SCAPER: variants seen among roughly 807,000 people sequenced by gnomAD.
SCAPER encodes S phase cyclin A-associated protein in the endoplasmic reticulum.
Under a neutral mutation model 182.2 loss-of-function variants are expected in SCAPER, and 98 were observed. The observed-to-expected ratio is 0.54, with a 90% CI of 0.46 to 0.64. SCAPER has a LOEUF of 0.64. Ranked by LOEUF, SCAPER falls within the 30% of genes least tolerant of loss-of-function variation. SCAPER has a pLI of 0.00. For synonymous variants in SCAPER, 605 were observed against 564.6 expected (o/e 1.07, Z -1.01); for missense variants, 1,432 against 1,690.0 (o/e 0.85, Z 2.68).
At chr15:76,477,019 G>A (rs1008705284) in intron 24 of SCAPER, among the ~76,000 whole-genome samples, 3 of 152,098 alleles carry the variant, frequency 2.0e-5, no homozygotes, top group Non-Finnish European at 4.4e-5. Flanking sequence ...TAATTGACAG[G>A]CTACTTGCGT....
chr15:76,519,889 A>C (rs919901600), intron 23 of SCAPER, among the ~76,000 whole-genome samples: 4 of 152,172 alleles, frequency 2.6e-5, no homozygotes, highest in Admixed American at 6.5e-5. Context: ...TCTAGGCTTC[A>C]CATTTCATTT....
At position 76,376,270 on chromosome 15, in the gene SCAPER, G is replaced by A. The variant is rs774654951; in HGVS notation, c.3747C>T (p.His1249=). The A allele has an allele frequency of 1.5e-5, 25 of 1,613,896 alleles. No homozygotes were observed. The highest frequency in any genetic ancestry group is 1.9e-5 in the Non-Finnish European group (22 of 1,179,824). ...GAEGLSLAFR[H]MASSLLGHCS... is the part of the protein sequence containing the mutation. ...AGTGGCCCAGCAGGGAGCTGGCCAT[G>A]TGCCGGAATGCAAGGGACAAGCCCT... Residue 1249 remains histidine (H), a synonymous_variant, in exon 29 of 32, where the codon CAC becomes CAT. Transcript: ENST00000563290.
At chr15:76,748,152 C>A (rs1043434552) in intron 15 of SCAPER, among the ~76,000 whole-genome samples, 1 of 151,930 alleles carries the variant, frequency 6.6e-6, no homozygotes, top group South Asian at 2.1e-4. Flanking sequence ...CACCATGCCG[C>A]GCTAATTTTG....
chr15:76,599,961 A>C lies in SCAPER; in HGVS notation c.2711+21803T>G, dbSNP rs1416298914. ...AAGGATAAATAATGAACTTGAGTTAATAACATGCATGTTGAAATACTGGAG... is the reference window on the plus strand; with the variant it reads ...AAGGATAAATAATGAACTTGAGTTACTAACATGCATGTTGAAATACTGGAG... On this transcript the variant is annotated intron_variant, in intron 22 of 31. Coordinates refer to ENST00000563290, the MANE Select transcript of SCAPER (RefSeq NM_020843.4). 1.6e-5 allele frequency among the ~76,000 whole-genome samples: 2 copies of C among 122,088 alleles called. 1 individual carries two copies. Among genetic ancestry groups the C allele is most frequent in the Non-Finnish European group, 4.0e-5 (2 of 50,300 alleles). 80.1% of individuals were successfully genotyped at this position (122,088 alleles called of 152,430 possible).
chr15:76,468,185 A>T (rs2049840589), intron 25 of SCAPER, among the ~76,000 whole-genome samples: 1 of 152,098 alleles, frequency 6.6e-6, no homozygotes, highest in Non-Finnish European at 1.5e-5. Context: ...CACCATCACC[A>T]ACCACCCCAA....
At chr15:76,832,686 C>T (rs949223640) in intron 5 of SCAPER, among the ~76,000 whole-genome samples, 4 of 152,122 alleles carry the variant, frequency 2.6e-5, no homozygotes, top group African/African-American at 9.7e-5. Flanking sequence ...TTAGCACCAT[C>T]CCTTTGGTGC....
At chr15:76,516,379 C>G (rs1335859028) in intron 23 of SCAPER, among the ~76,000 whole-genome samples, 1 of 149,202 alleles carries the variant, frequency 6.7e-6, no homozygotes, top group Non-Finnish European at 1.5e-5. Flanking sequence ...CCCCACCCCA[C>G]CCCCGCAACT....
chr15:76,469,291 T>A (rs2049941272), intron 25 of SCAPER, among the ~76,000 whole-genome samples: 1 of 123,884 alleles, frequency 8.1e-6, no homozygotes, highest in Non-Finnish European at 2.0e-5. Flanking sequence ...TAGGAGAGCA[T>A]GAAGTTATTT....
intron 23 of SCAPER, among the ~76,000 whole-genome samples, chr15:76,562,148 C>A (rs1457950568): frequency 1.4e-3 from 107 of 73,984 alleles, no homozygotes; most frequent in African/African-American, 2.1e-3. Flanking sequence ...AACTTCATCT[C>A]AAAAAAAAAA....
chr15:76,806,344 C>T (rs1016225120), intron 5 of SCAPER, among the ~76,000 whole-genome samples: 3 of 152,190 alleles, frequency 2.0e-5, no homozygotes, highest in African/African-American at 7.2e-5. Flanking sequence ...AAATCAAATT[C>T]ATACATAGAC....
At chr15:76,605,491 G>T (rs890656207) in intron 22 of SCAPER, among the ~76,000 whole-genome samples, 1 of 151,998 alleles carries the variant, frequency 6.6e-6, no homozygotes, top group African/African-American at 2.4e-5. Flanking sequence ...TCTCTTTTTT[G>T]GTTGTGTCTC....
chr15:76,780,088 G>T (rs909390164), intron 8 of SCAPER, among the ~76,000 whole-genome samples: 1 of 152,230 alleles, frequency 6.6e-6, no homozygotes, highest in Admixed American at 6.5e-5. Flanking sequence ...CCTCACCCAG[G>T]AAATACAAGG....
At chr15:76,509,799 C>G (rs2041880695) in intron 23 of SCAPER, among the ~76,000 whole-genome samples, 1 of 152,148 alleles carries the variant, frequency 6.6e-6, no homozygotes. Flanking sequence ...AATCTGGAGG[C>G]ATCACATTAC....
At chr15:76,529,367 A>G (rs1204994783) in intron 23 of SCAPER, among the ~76,000 whole-genome samples, 1 of 152,192 alleles carries the variant, frequency 6.6e-6, no homozygotes, top group East Asian at 1.9e-4. Flanking sequence ...TTTAACTTTT[A>G]TTCACTGATT....
At chr15:76,498,642 G>A (rs564490103) in intron 24 of SCAPER, 31 of 152,336 alleles carry the variant, frequency 2.0e-4, no homozygotes, top group African/African-American at 7.5e-4. Context: ...GCTGGTGATT[G>A]TGAGGAATAA....
chr15:76,610,823 T>C (rs990736953), intron 22 of SCAPER, among the ~76,000 whole-genome samples: 1 of 152,168 alleles, frequency 6.6e-6, no homozygotes, highest in Admixed American at 6.5e-5. Context: ...TGGAATAATA[T>C]TGTTAAATTG....
intron 2 of SCAPER, among the ~76,000 whole-genome samples, chr15:76,877,262 T>C (rs868034381): frequency 1.3e-5 from 2 of 150,184 alleles, no homozygotes; most frequent in South Asian, 2.1e-4. Flanking sequence ...CTGGCTAATA[T>C]GGGACAATCT....
intron 17 of SCAPER, among the ~76,000 whole-genome samples, chr15:76,723,230 T>C (rs1232975256): frequency 6.6e-6 from 1 of 152,226 alleles, no homozygotes; most frequent in East Asian, 1.9e-4. Flanking sequence ...TCCATGAAGT[T>C]TAGCAGTTTT....
At chr15:76,701,940 TATATG>T in intron 19 of SCAPER, 75 bp from the exon 20 acceptor site, 1 of 985,242 alleles carries the variant, frequency 1.0e-6, no homozygotes, top group Non-Finnish European at 1.6e-6. Context: ...TTCAGTCCAG[TATATG>T]ATATGTGAGT....
Sources: gnomAD v4.1 joint callset for allele counts (sites outside exome capture counted in the v4.1 genomes callset) on GRCh38, gnomAD v4.1.1 for gene constraint, MANE v1.5 for transcripts, NCBI Gene and HGNC (gene_info 2026-07-23, HGNC 2026-07-21) for gene names.